DYSF: variants seen among roughly 807,000 people sequenced by gnomAD.
DYSF encodes the protein dystrophy-associated fer-1-like 1.
In DYSF, 212 loss-of-function variants were observed where a neutral mutation model predicts 274.9. The ratio of observed to expected loss-of-function variants is 0.77; its 90% confidence interval spans 0.69 to 0.86. The LOEUF is 0.86. Among genes scored for constraint, DYSF ranks in the 40% least tolerant of loss-of-function variants. DYSF has a pLI of 0.00. For missense variants in DYSF, 2,666 were observed against 2,783.2 expected (o/e 0.96, Z 0.95); for synonymous variants, 1,091 against 1,078.7 (o/e 1.01, Z -0.22).
chr2:71,466,569 C>A (rs185114751), upstream of DYSF: 946 of 1,070,210 alleles, frequency 8.8e-4, 8 homozygotes, highest in African/African-American at 0.015. Flanking sequence ...AGCACCCCCA[C>A]AGGCGCCCGT....
At chr2:71,665,704 T>G (rs933377733) in intron 47 of DYSF, among the ~76,000 whole-genome samples, 1 of 152,178 alleles carries the variant, frequency 6.6e-6, no homozygotes, top group Non-Finnish European at 1.5e-5. Flanking sequence ...TCTACTTGAA[T>G]TGCACCAGCC....
At chr2:71,496,818 T>TA (rs573117239) in intron 3 of DYSF, among the ~76,000 whole-genome samples, 30 of 152,068 alleles carry the variant, frequency 2.0e-4, no homozygotes, top group Non-Finnish European at 3.5e-4. Context: ...GGCATAAGAT[T>TA]AAAAAAATAT....
intron 17 of DYSF, among the ~76,000 whole-genome samples, chr2:71,541,223 T>C (rs1195824220): frequency 2.0e-5 from 3 of 152,238 alleles, no homozygotes; most frequent in Admixed American, 6.5e-5. Flanking sequence ...CTTTGAGGGT[T>C]TGAAATAATT....
chr2:71,538,721 T>A (rs767464448), intron 16 of DYSF, among the ~76,000 whole-genome samples: 3 of 152,202 alleles, frequency 2.0e-5, no homozygotes, highest in African/African-American at 4.8e-5. Context: ...TTCTTCCTGG[T>A]CACCTAGTTT....
chr2:71,685,042 C>T (rs1291448444), intron 55 of DYSF, among the ~76,000 whole-genome samples: 1 of 152,228 alleles, frequency 6.6e-6, no homozygotes, highest in African/African-American at 2.4e-5. Context: ...CCCCTGCCAG[C>T]TGCACCCTGC....
intron 1 of DYSF, among the ~76,000 whole-genome samples, 176 bp downstream of exon 1, chr2:71,467,109 A>C (rs547559458): frequency 6.6e-6 from 1 of 152,386 alleles, no homozygotes; most frequent in South Asian, 2.1e-4. Flanking sequence ...ATGAGGAATA[A>C]GCAGAGCACA....
intron 14 of DYSF, among the ~76,000 whole-genome samples, chr2:71,530,679 A>T (rs1175800262): frequency 1.3e-5 from 2 of 151,736 alleles, no homozygotes; most frequent in African/African-American, 4.8e-5. Flanking sequence ...GAAAGTTTCA[A>T]CCTGGCCAGC....
chr2:71,624,001 C>T (rs1468967970), intron 41 of DYSF, among the ~76,000 whole-genome samples: 1 of 152,102 alleles, frequency 6.6e-6, no homozygotes, highest in African/African-American at 2.4e-5. Context: ...CCCCAGAGGA[C>T]GAGGTTGCGG....
In DYSF at chr2:71,664,454, C is replaced by T. The variant is rs1298842369; in HGVS notation, c.5174+16C>T. ...CCTACTGTGTGTACGTGGATGGGGG[C>T]TGGCTGCCTGCTTCTCTGACAACAC... On this transcript the variant is annotated intron_variant, in intron 46 of 55. Transcript: ENST00000410020. The T allele has an allele frequency of 2.5e-6, 4 of 1,613,524 alleles. No individual in the cohort carries two copies. Among genetic ancestry groups the T allele is most frequent in the Admixed American group, 3.3e-5 (2 of 60,004 alleles).
intron 41 of DYSF, among the ~76,000 whole-genome samples, chr2:71,643,260 C>G (rs1210165182): frequency 6.6e-6 from 1 of 152,188 alleles, no homozygotes; most frequent in Non-Finnish European, 1.5e-5. Flanking sequence ...ACAGGCCTGT[C>G]CATCTTTTCC....
At chr2:71,624,706 T>G (rs1192263173) in intron 41 of DYSF, among the ~76,000 whole-genome samples, 1 of 149,118 alleles carries the variant, frequency 6.7e-6, no homozygotes, top group Non-Finnish European at 1.5e-5. Context: ...GGTGAAATTG[T>G]ATCTATGGTT....
intron 13 of DYSF, 92 bp from the exon 14 acceptor site, chr2:71,528,206 G>A (rs2152751111): frequency 8.6e-7 from 1 of 1,158,664 alleles, no homozygotes; most frequent in Admixed American, 2.0e-5. Flanking sequence ...TGCTCAGGTA[G>A]TCCCAGGACT....
Position 71,516,160 on chromosome 2 carries a change from T to A in DYSF, c.889-20T>A. 6.2e-7 allele frequency: 1 copy of A among 1,614,002 alleles called. No homozygotes were observed. Among genetic ancestry groups the A allele is most frequent in the Non-Finnish European group, 8.5e-7 (1 of 1,179,844 alleles). On this transcript the variant is annotated intron_variant, in intron 8 of 55. Coordinates refer to ENST00000410020, the MANE Select transcript of DYSF (RefSeq NM_001130987.2). ...GGATCAGCAGGCACTGATATGTCTCTCTTTGCTCTGAACCAACAGACTCTT... is the reference window on the plus strand; with the variant it reads ...GGATCAGCAGGCACTGATATGTCTCACTTTGCTCTGAACCAACAGACTCTT...
chr2:71,471,295 T>C (rs2082017111), intron 1 of DYSF, among the ~76,000 whole-genome samples: 2 of 152,202 alleles, frequency 1.3e-5, no homozygotes, highest in Non-Finnish European at 2.9e-5. Flanking sequence ...GTGCAGAAGA[T>C]ATAAATATAT....
At chr2:71,490,058 A>G (rs2083696608) in intron 3 of DYSF, among the ~76,000 whole-genome samples, 1 of 152,174 alleles carries the variant, frequency 6.6e-6, no homozygotes, top group African/African-American at 2.4e-5. Context: ...ACTTACGTAA[A>G]CCACACAAAC....
rs905322985 is a variant in DYSF, at chr2:71,517,043, A to G, written c.1002+4A>G. On this transcript the variant is annotated splice_donor_region_variant and intron_variant, in intron 10 of 55. Coordinates refer to ENST00000410020, the MANE Select transcript of DYSF (RefSeq NM_001130987.2). ...TGCTCTCCTCGGGGAGTTCCGGGTA[A>G]TTGCTTATTTTCTATGAAAGCAGTC... is the stretch of plus-strand genomic sequence containing the variant. The G allele has an allele frequency of 4.3e-6, 7 of 1,613,858 alleles. No homozygotes were observed. Among genetic ancestry groups the G allele is most frequent in the Non-Finnish European group, 5.9e-6 (7 of 1,179,906 alleles).
intron 17 of DYSF, among the ~76,000 whole-genome samples, chr2:71,548,051 C>T (rs1189368301): frequency 6.6e-6 from 1 of 152,200 alleles, no homozygotes; most frequent in Non-Finnish European, 1.5e-5. Context: ...CAGAAAACTC[C>T]CCATGAGCAG....
chr2:71,461,164 C>T (rs11126333), intron 1 of DYSF, among the ~76,000 whole-genome samples: 40,345 of 151,870 alleles, frequency 0.27, 5,845 homozygotes, highest in African/African-American at 0.39. Context: ...TCTCTCCCCT[C>T]GTTGACCAAC....
intron 3 of DYSF, among the ~76,000 whole-genome samples, chr2:71,493,775 C>A (rs184943549): frequency 1.9e-3 from 262 of 138,458 alleles, no homozygotes; most frequent in African/African-American, 6.7e-3. Context: ...TTGCTTGAAC[C>A]CAGGAGGTGG....
Sources: gnomAD v4.1 joint callset for allele counts (sites outside exome capture counted in the v4.1 genomes callset) on GRCh38, gnomAD v4.1.1 for gene constraint, MANE v1.5 for transcripts, NCBI Gene and HGNC (gene_info 2026-07-23, HGNC 2026-07-21) for gene names.